The following KIF21A variants were observed in gnomAD, a reference collection of about 807,000 sequenced individuals.
KIF21A encodes kinesin family member 21A, also known as kinesin-like protein KIF21A.
In KIF21A, 114 loss-of-function variants were observed where a neutral mutation model predicts 202.9. The ratio of observed to expected loss-of-function variants is 0.56; its 90% CI spans 0.48 to 0.66. The LOEUF (loss-of-function observed/expected upper bound fraction) is 0.66. Ranked by LOEUF, KIF21A falls within the 30% of genes least tolerant of loss-of-function variation. The pLI is 0.00. For synonymous variants in KIF21A, 667 were observed against 670.8 expected (o/e 0.99, Z 0.09); for missense variants, 1,677 against 1,994.9 (o/e 0.84, Z 3.04).
At chr12:39,330,684 A>G in intron 23 of KIF21A, 62 bp downstream of exon 23, 2 of 1,408,396 alleles carry the variant, frequency 1.4e-6, no homozygotes, top group Non-Finnish European at 2.0e-6. Context: ...GATATACTAT[A>G]CCATGTTCAA....
intron 35 of KIF21A, among the ~76,000 whole-genome samples, chr12:39,304,286 T>G (rs1943245188): frequency 6.6e-6 from 1 of 152,198 alleles, no homozygotes; most frequent in East Asian, 1.9e-4. Flanking sequence ...TCAACTTCTC[T>G]CTACCTTGGC....
intron 11 of KIF21A, among the ~76,000 whole-genome samples, chr12:39,347,310 A>G (rs1290181434): frequency 6.6e-6 from 1 of 151,846 alleles, no homozygotes; most frequent in Non-Finnish European, 1.5e-5. Context: ...ACATATAAGA[A>G]ATATCATGTG....
At position 39,367,042 on chromosome 12, in the gene KIF21A, G is replaced by A. The variant is rs1054615722; in HGVS notation, c.723C>T (p.Pro241=). 2 of 1,613,274 alleles carry A rather than the reference G, an allele frequency of 1.2e-6. No homozygotes were observed. Among genetic ancestry groups the A allele is most frequent in the African/African-American group, 2.7e-5 (2 of 74,856 alleles). ...TIHVCQTRVC[P]QIDADNATDN... ...ATTAATAACTCACAGCATCTATTTG[G>A]GGACACACTCTGGTTTGACACACAT... The change falls in exon 5 of 38, where the codon CCC becomes CCT. Residue 241 remains proline, a synonymous_variant. Coordinates refer to ENST00000361418, the MANE Select transcript of KIF21A (RefSeq NM_001173464.2).
intron 5 of KIF21A, 35 bp downstream of exon 5, chr12:39,366,995 A>T: frequency 1.3e-6 from 2 of 1,594,484 alleles, no homozygotes; most frequent in Non-Finnish European, 1.7e-6. Flanking sequence ...GGAGATAAAA[A>T]TTGAAAGTTT....
At chr12:39,397,471 A>C (rs1323953159) in intron 1 of KIF21A, among the ~76,000 whole-genome samples, 1 of 151,360 alleles carries the variant, frequency 6.6e-6, no homozygotes, top group Non-Finnish European at 1.5e-5. Flanking sequence ...AACCAACTCT[A>C]TTTTTTTCCA....
chr12:39,412,270 CATG>C (rs1953161214), intron 1 of KIF21A, among the ~76,000 whole-genome samples: 1 of 152,118 alleles, frequency 6.6e-6, no homozygotes, highest in African/African-American at 2.4e-5. Flanking sequence ...CACATGGCAA[CATG>C]ATGTTTCTCC....
chr12:39,436,448 A>ATTTTTTT (rs1160949360), intron 1 of KIF21A, among the ~76,000 whole-genome samples: 21 of 95,740 alleles, frequency 2.2e-4, no homozygotes, highest in South Asian at 3.9e-4. Flanking sequence ...ATATATATAT[A>ATTTTTTT]TTTTTTTTTT....
intron 37 of KIF21A, among the ~76,000 whole-genome samples, chr12:39,296,442 T>G (rs1411325415): frequency 2.0e-5 from 3 of 152,078 alleles, no homozygotes; most frequent in African/African-American, 7.2e-5. Flanking sequence ...GATCATATAC[T>G]TTAGCAAAAG....
chr12:39,439,982 A>G (rs1372113780), intron 1 of KIF21A, among the ~76,000 whole-genome samples: 1 of 78,470 alleles, frequency 1.3e-5, no homozygotes, highest in Non-Finnish European at 2.2e-5. Context: ...TCATTAAAGG[A>G]AAAAAAGCAG....
chr12:39,301,426 T>C, intron 37 of KIF21A, 54 bp downstream of exon 37: 1 of 1,306,080 alleles, frequency 7.7e-7, no homozygotes, highest in African/African-American at 1.5e-5. Context: ...AACATATTTA[T>C]TAAATCTGAA....
intron 1 of KIF21A, among the ~76,000 whole-genome samples, chr12:39,388,100 C>T (rs545545233): frequency 3.3e-5 from 5 of 152,092 alleles, no homozygotes; most frequent in Non-Finnish European, 4.4e-5. Context: ...GAAGTTTGAT[C>T]CCCAGTGTTG....
At chr12:39,302,793 C>A (rs1273846341) in intron 36 of KIF21A, among the ~76,000 whole-genome samples, 172 bp downstream of exon 36, 1 of 152,128 alleles carries the variant, frequency 6.6e-6, no homozygotes, top group Non-Finnish European at 1.5e-5. Context: ...TTGACTGTTT[C>A]CCTTCTCCCA....
At chr12:39,367,730 T>C (rs1357728104) in intron 4 of KIF21A, among the ~76,000 whole-genome samples, 153 bp downstream of exon 4, 2 of 152,204 alleles carry the variant, frequency 1.3e-5, no homozygotes, top group African/African-American at 2.4e-5. Flanking sequence ...AATATTCTGA[T>C]TTTTTAAATG....
chr12:39,333,621 G>C (rs539476216), intron 17 of KIF21A, among the ~76,000 whole-genome samples: 1 of 152,184 alleles, frequency 6.6e-6, no homozygotes, highest in South Asian at 2.1e-4. Context: ...TTTAGTTGCT[G>C]TTTGAGGTAC....
intron 1 of KIF21A, among the ~76,000 whole-genome samples, chr12:39,411,747 G>A (rs142127328): frequency 3.3e-5 from 5 of 152,060 alleles, no homozygotes; most frequent in Admixed American, 3.3e-4. Flanking sequence ...ATGTTGCTCA[G>A]GCTGATCTTG....
At chr12:39,424,091 T>G (rs1014076171) in intron 1 of KIF21A, among the ~76,000 whole-genome samples, 9 of 151,864 alleles carry the variant, frequency 5.9e-5, no homozygotes, top group Admixed American at 1.3e-4. Context: ...CCACTGTTTC[T>G]GCTTCCTTGC....
rs116573857 is a variant in KIF21A, at chr12:39,370,313, C to T, written c.45-52G>A. On this transcript the variant is annotated intron_variant, in intron 1 of 37. Coordinates refer to ENST00000361418, the MANE Select transcript of KIF21A (RefSeq NM_001173464.2). ...AAATAAAATAAATGGCAAAAAAAAA[C>T]CTCTCAAAAAATAGGACTTAAAAAC... 38 of 1,362,480 alleles carry T rather than the reference C, an allele frequency of 2.8e-5. 1 individual carries two copies. The South Asian group carries it at 4.4e-4, about 16-fold the overall frequency. The allele number at this position is 1,362,480 out of a possible 1,614,324, so 84.4% of individuals were successfully genotyped here.
intron 1 of KIF21A, among the ~76,000 whole-genome samples, chr12:39,387,475 A>G (rs189731619): frequency 8.6e-4 from 131 of 152,280 alleles, no homozygotes; most frequent in Non-Finnish European, 1.4e-3. Context: ...ATCTTTTTCT[A>G]CTGCCAGGAT....
At chr12:39,403,901 A>G (rs1282869494) in intron 1 of KIF21A, among the ~76,000 whole-genome samples, 1 of 152,228 alleles carries the variant, frequency 6.6e-6, no homozygotes, top group Non-Finnish European at 1.5e-5. Context: ...TTGAGTTAAT[A>G]TGAATGAGAA....
Sources: allele counts gnomAD v4.1 joint callset (sites outside exome capture counted in the v4.1 genomes callset), GRCh38; gene constraint gnomAD v4.1.1; transcripts MANE v1.5; gene names NCBI Gene and HGNC (gene_info 2026-07-23, HGNC 2026-07-21).